The following CTNND2 variants were observed in gnomAD, a reference collection of about 807,000 sequenced individuals.
CTNND2 encodes the protein catenin delta-2.
CTNND2 carries 22 observed loss-of-function variants against 144.4 expected under a neutral mutation model. The observed-to-expected ratio is 0.15, with a 90% CI of 0.11 to 0.22. The LOEUF is 0.22. Among genes scored for constraint, CTNND2 ranks in the 10% least tolerant of loss-of-function variants. The probability of loss-of-function intolerance (pLI) is 1.00; values close to 1 mark genes in which losing one functional copy is unlikely to be tolerated. For synonymous variants in CTNND2, 751 were observed against 695.6 expected, an observed-to-expected ratio of 1.08 and a Z score of -1.25; for missense variants, 1,353 against 1,618.8, an observed-to-expected ratio of 0.84 and a Z score of 2.82.
At chr5:11,810,317 G>C (rs1792255908) in intron 1 of CTNND2, among the ~76,000 whole-genome samples, 1 of 152,070 alleles carries the variant, frequency 6.6e-6, no homozygotes, top group East Asian at 1.9e-4. Context: ...ACCTTGAAAA[G>C]GAAGAAAGGG....
At chr5:11,141,902 C>T (rs1397665190) in intron 12 of CTNND2, among the ~76,000 whole-genome samples, 1 of 152,176 alleles carries the variant, frequency 6.6e-6, no homozygotes, top group East Asian at 1.9e-4. Context: ...GCGATTAGAT[C>T]CTGAGGGCTC....
chr5:11,532,186 T>C (rs574962583), intron 3 of CTNND2, among the ~76,000 whole-genome samples: 2 of 152,264 alleles, frequency 1.3e-5, no homozygotes, highest in Non-Finnish European at 2.9e-5. Context: ...ACAGGGCCAC[T>C]GTAGTCTTGG....
rs184992040 is a variant in CTNND2 at position 11,491,871 on chromosome 5, G to A, written c.287+73073C>T. ...CAGTGACTCAGCAACTACTTGTGAC[G>A]CATTCTAGTTACCATTGAACATTTG... On this transcript the variant is annotated intron_variant, in intron 3 of 21. Coordinates refer to ENST00000304623, the MANE Select transcript of CTNND2 (RefSeq NM_001332.4). 5.2e-4 allele frequency among the ~76,000 whole-genome samples: 79 copies of A among 152,250 alleles called. 1 individual carries two copies. The East Asian group carries it at 0.013, about 25-fold the overall frequency.
chr5:11,062,167 C>T (rs191071825), intron 16 of CTNND2, among the ~76,000 whole-genome samples: 20 of 152,222 alleles, frequency 1.3e-4, no homozygotes, highest in Non-Finnish European at 2.2e-4. Flanking sequence ...GAAGTTAGTA[C>T]ACAAGGATAA....
chr5:11,083,405 G>T (rs1749802907), intron 15 of CTNND2, among the ~76,000 whole-genome samples: 1 of 152,134 alleles, frequency 6.6e-6, no homozygotes, highest in African/African-American at 2.4e-5. Flanking sequence ...AAGCAAGAGT[G>T]CACATGGTAA....
At chr5:11,088,967 G>A (rs542400694) in intron 15 of CTNND2, among the ~76,000 whole-genome samples, 2 of 152,312 alleles carry the variant, frequency 1.3e-5, no homozygotes, top group Middle Eastern at 3.4e-3. Flanking sequence ...CAGCCTATGA[G>A]AAGGGACATA....
At chr5:11,134,794 G>A (rs757880180) in intron 12 of CTNND2, among the ~76,000 whole-genome samples, 4 of 152,224 alleles carry the variant, frequency 2.6e-5, no homozygotes, top group Non-Finnish European at 5.9e-5. Flanking sequence ...CAGATGGCTT[G>A]CACACAATAT....
intron 15 of CTNND2, 106 bp from the exon 16 acceptor site, chr5:11,082,952 G>T: frequency 8.1e-7 from 1 of 1,240,974 alleles, no homozygotes. Flanking sequence ...CAAAAAGGTT[G>T]AATTACCAAG....
chr5:11,672,752 C>T (rs1431818995), intron 2 of CTNND2, among the ~76,000 whole-genome samples: 1 of 152,114 alleles, frequency 6.6e-6, no homozygotes, highest in Middle Eastern at 3.2e-3. Flanking sequence ...TGGAGGGAGT[C>T]TCCTGGTCTG....
intron 1 of CTNND2, among the ~76,000 whole-genome samples, chr5:11,808,886 C>T (rs185598766): frequency 6.6e-6 from 1 of 152,116 alleles, no homozygotes; most frequent in Non-Finnish European, 1.5e-5. Context: ...ATATTGACAA[C>T]TGCAGACAAA....
chr5:11,878,487 A>G (rs188848177), intron 1 of CTNND2, among the ~76,000 whole-genome samples: 72 of 152,318 alleles, frequency 4.7e-4, no homozygotes, highest in African/African-American at 1.7e-3. Context: ...ATCAATACAT[A>G]GAGAAAACAG....
chr5:11,493,402 A>G (rs1769630206), intron 3 of CTNND2, among the ~76,000 whole-genome samples: 1 of 152,210 alleles, frequency 6.6e-6, no homozygotes, highest in Non-Finnish European at 1.5e-5. Context: ...CTTCTGAGAA[A>G]GATTTCACTA....
intron 20 of CTNND2, among the ~76,000 whole-genome samples, chr5:10,984,319 A>G (rs984148736): frequency 2.6e-5 from 4 of 152,210 alleles, no homozygotes; most frequent in African/African-American, 7.2e-5. Flanking sequence ...AAATGGGTAA[A>G]CCTTAGATAG....
At chr5:11,519,264 C>A (rs924376375) in intron 3 of CTNND2, among the ~76,000 whole-genome samples, 3 of 152,108 alleles carry the variant, frequency 2.0e-5, no homozygotes, top group Non-Finnish European at 2.9e-5. Flanking sequence ...TTCAAAAAAG[C>A]TTTCACTTCT....
chr5:11,040,509 G>A (rs1744591779), intron 16 of CTNND2, among the ~76,000 whole-genome samples: 1 of 152,152 alleles, frequency 6.6e-6, no homozygotes. Flanking sequence ...TCAGCACCTT[G>A]TCTCATCCAG....
intron 11 of CTNND2, among the ~76,000 whole-genome samples, chr5:11,182,511 T>C (rs977959783): frequency 2.0e-5 from 3 of 152,198 alleles, no homozygotes; most frequent in African/African-American, 7.2e-5. Flanking sequence ...CCCCCATCCA[T>C]GTCTAGGTAG....
chr5:11,598,620 G>C (rs1280933542), intron 2 of CTNND2, among the ~76,000 whole-genome samples: 3 of 152,108 alleles, frequency 2.0e-5, no homozygotes, highest in Non-Finnish European at 4.4e-5. Flanking sequence ...CAAGTTGAGG[G>C]AAAGGAGGAA....
chr5:11,566,664 C>T (rs1012375155), intron 2 of CTNND2, among the ~76,000 whole-genome samples: 7 of 152,142 alleles, frequency 4.6e-5, no homozygotes, highest in Middle Eastern at 3.2e-3. Context: ...CCTGTGTTAC[C>T]GAAGTTCAAC....
At chr5:11,846,635 AAAC>A (rs1794748600) in intron 1 of CTNND2, among the ~76,000 whole-genome samples, 1 of 152,140 alleles carries the variant, frequency 6.6e-6, no homozygotes. Context: ...ACAGCAAAGT[AAAC>A]AATAAAGTGA....
Sources: allele counts gnomAD v4.1 joint callset (sites outside exome capture counted in the v4.1 genomes callset), GRCh38; gene constraint gnomAD v4.1.1; transcripts MANE v1.5; gene names NCBI Gene and HGNC (gene_info 2026-07-23, HGNC 2026-07-21).